The following DCLK2 variants were observed in gnomAD, a reference collection of about 807,000 sequenced individuals.
DCLK2 encodes the protein doublecortin like kinase 2, also known as serine/threonine-protein kinase DCLK2.
A neutral mutation model predicts 78.4 loss-of-function variants in DCLK2; 31 were observed. The ratio of observed to expected loss-of-function variants is 0.40; its 90% confidence interval spans 0.30 to 0.53. DCLK2 has a LOEUF of 0.53. Among genes scored for constraint, DCLK2 ranks in the 20% least tolerant of loss-of-function variants. DCLK2 has a pLI of 0.61. For missense variants in DCLK2, 872 were observed against 973.7 expected (o/e 0.90, Z 1.39); for synonymous variants, 407 against 374.9 (o/e 1.09, Z -0.99).
At chr4:150,156,482 C>CT (rs1260735008) in intron 2 of DCLK2, among the ~76,000 whole-genome samples, 8 of 117,520 alleles carry the variant, frequency 6.8e-5, no homozygotes, top group Admixed American at 2.0e-4. Flanking sequence ...CCGTCTCTAC[C>CT]AAAATAAATA....
intron 2 of DCLK2, among the ~76,000 whole-genome samples, chr4:150,118,741 G>A (rs1294970743): frequency 6.6e-6 from 1 of 152,146 alleles, no homozygotes; most frequent in Non-Finnish European, 1.5e-5. Flanking sequence ...GCTCATGCCT[G>A]TAATCCTAGC....
At chr4:150,177,127 T>A (rs1737148760) in intron 2 of DCLK2, among the ~76,000 whole-genome samples, 1 of 152,226 alleles carries the variant, frequency 6.6e-6, no homozygotes, top group African/African-American at 2.4e-5. Flanking sequence ...TGTGTTATAA[T>A]GTAGAATAAA....
chr4:150,235,746 C>A (rs1017050483), intron 10 of DCLK2, among the ~76,000 whole-genome samples: 12 of 152,176 alleles, frequency 7.9e-5, no homozygotes, highest in African/African-American at 2.7e-4. Flanking sequence ...CATTGAGATA[C>A]TAAAAGTAAA....
chr4:150,125,890 C>A (rs1198209487), intron 2 of DCLK2, among the ~76,000 whole-genome samples: 1 of 148,970 alleles, frequency 6.7e-6, no homozygotes, highest in Non-Finnish European at 1.5e-5. Context: ...AATTTTGTCT[C>A]AAAAAAAAAC....
chr4:150,092,485 A>G (rs373788856), intron 1 of DCLK2, among the ~76,000 whole-genome samples: 103 of 152,274 alleles, frequency 6.8e-4, no homozygotes, highest in African/African-American at 2.4e-3. Context: ...AAAAAAACCC[A>G]TTCATCCTAA....
At chr4:150,249,784 C>G (rs888204646) in intron 15 of DCLK2, 100 bp downstream of exon 15, 3 of 921,292 alleles carry the variant, frequency 3.3e-6, no homozygotes, top group Admixed American at 1.8e-5. Context: ...TTGGTGCCTT[C>G]CGTAGTCCTA....
At chr4:150,158,093 A>G (rs1032049172) in intron 2 of DCLK2, among the ~76,000 whole-genome samples, 11 of 152,132 alleles carry the variant, frequency 7.2e-5, no homozygotes, top group African/African-American at 2.7e-4. Flanking sequence ...ACATAAATCT[A>G]TTTTCTCACA....
At chr4:150,253,804 A>G (rs2126652183) in intron 15 of DCLK2, 2 of 985,446 alleles carry the variant, frequency 2.0e-6, no homozygotes, top group Non-Finnish European at 2.4e-6. Flanking sequence ...GAGGAGTCCC[A>G]TAGTTCTCCT....
intron 2 of DCLK2, among the ~76,000 whole-genome samples, chr4:150,120,331 G>A (rs774468787): frequency 4.6e-5 from 7 of 152,070 alleles, no homozygotes; most frequent in African/African-American, 9.7e-5. Flanking sequence ...GCTAGTTTGC[G>A]GGTCACTGTG....
At chr4:150,251,712 C>G (rs1284757763) in intron 15 of DCLK2, among the ~76,000 whole-genome samples, 1 of 116,624 alleles carries the variant, frequency 8.6e-6, no homozygotes, top group Non-Finnish European at 1.8e-5. Context: ...CCACACACCC[C>G]CAACACCCCC....
At chr4:150,089,718 A>G (rs1729912667) in intron 1 of DCLK2, among the ~76,000 whole-genome samples, 1 of 152,244 alleles carries the variant, frequency 6.6e-6, no homozygotes, top group Non-Finnish European at 1.5e-5. Flanking sequence ...GATACAACCC[A>G]AACACACTGA....
intron 15 of DCLK2, 55 bp downstream of exon 15, chr4:150,249,739 G>T (rs1331822334): frequency 2.8e-6 from 4 of 1,423,144 alleles, no homozygotes; most frequent in African/African-American, 2.8e-5. Flanking sequence ...TGAAGTTTTT[G>T]AATTAGGTAG....
chr4:150,220,593 G>A (rs1027524377), intron 5 of DCLK2, 110 bp from the exon 6 acceptor site: 39 of 816,078 alleles, frequency 4.8e-5, no homozygotes, highest in East Asian at 2.4e-4. Context: ...ACGCCTCCTC[G>A]GTTTCTGTGA....
intron 7 of DCLK2, among the ~76,000 whole-genome samples, chr4:150,223,695 G>T (rs1421070349): frequency 1.3e-5 from 2 of 152,108 alleles, no homozygotes; most frequent in Non-Finnish European, 2.9e-5. Flanking sequence ...AGTGAGCCAA[G>T]ATTGCGCCAT....
At chr4:150,087,236 C>T (rs1417655301) in intron 1 of DCLK2, among the ~76,000 whole-genome samples, 1 of 152,180 alleles carries the variant, frequency 6.6e-6, no homozygotes, top group African/African-American at 2.4e-5. Flanking sequence ...TTTCATTACA[C>T]TATAACATTT....
chr4:150,083,850 C>G (rs1729466970), intron 1 of DCLK2, among the ~76,000 whole-genome samples: 1 of 152,222 alleles, frequency 6.6e-6, no homozygotes, highest in Non-Finnish European at 1.5e-5. Flanking sequence ...TCTCTTCCCA[C>G]TTCTCTGGGC....
intron 2 of DCLK2, among the ~76,000 whole-genome samples, chr4:150,127,738 A>T (rs1733019798): frequency 6.6e-6 from 1 of 152,214 alleles, no homozygotes; most frequent in Admixed American, 6.5e-5. Context: ...CTTTGCACAC[A>T]TCTCCAGGTT....
At chr4:150,150,990 G>A (rs1560814627) in intron 2 of DCLK2, among the ~76,000 whole-genome samples, 2 of 152,372 alleles carry the variant, frequency 1.3e-5, no homozygotes, top group East Asian at 1.9e-4. Context: ...TGCTCTTGCA[G>A]GGAAGGCTTC....
intron 15 of DCLK2, among the ~76,000 whole-genome samples, chr4:150,254,602 G>A (rs773190919): frequency 7.9e-5 from 12 of 152,146 alleles, no homozygotes; most frequent in Non-Finnish European, 8.8e-5. Context: ...CCATGTAGGT[G>A]GGAGCATCTT....
Sources: gnomAD v4.1 joint callset for allele counts (sites outside exome capture counted in the v4.1 genomes callset) on GRCh38, gnomAD v4.1.1 for gene constraint, MANE v1.5 for transcripts, NCBI Gene and HGNC (gene_info 2026-07-23, HGNC 2026-07-21) for gene names.